Variants in PPFIA2 observed in about 807,000 individuals in gnomAD.
PPFIA2 encodes the protein liprin-alpha-2.
PPFIA2 carries 46 observed loss-of-function variants against 175.5 expected under a neutral mutation model. The observed-to-expected ratio is 0.26, with a 90% CI of 0.21 to 0.34. The LOEUF is 0.34. Ranked by LOEUF, PPFIA2 falls within the 10% of genes least tolerant of loss-of-function variation. The pLI, the probability that PPFIA2 is intolerant of heterozygous loss-of-function variation, is 1.00. For synonymous variants in PPFIA2, 568 were observed against 511.4 expected (o/e 1.11, Z -1.49); for missense variants, 1,179 against 1,506.1 (o/e 0.78, Z 3.60).
intron 21 of PPFIA2, among the ~76,000 whole-genome samples, chr12:81,331,170 C>A (rs1344433140): frequency 6.6e-6 from 1 of 152,174 alleles, no homozygotes; most frequent in South Asian, 2.1e-4. Context: ...ACAGTGTTCC[C>A]ATAAAACTAT....
chr12:81,389,245 T>G (rs2039649242), intron 8 of PPFIA2, among the ~76,000 whole-genome samples: 1 of 150,118 alleles, frequency 6.7e-6, no homozygotes, highest in Admixed American at 6.7e-5. Context: ...TGAACGATAT[T>G]TATTTTCTAA....
intron 4 of PPFIA2, among the ~76,000 whole-genome samples, chr12:81,615,286 A>C (rs1180074516): frequency 6.6e-6 from 1 of 152,188 alleles, no homozygotes; most frequent in Non-Finnish European, 1.5e-5. Flanking sequence ...GGAAAAATTC[A>C]AGTGCTCACT....
At chr12:81,603,931 T>C (rs2060040186) in intron 4 of PPFIA2, among the ~76,000 whole-genome samples, 1 of 150,954 alleles carries the variant, frequency 6.6e-6, no homozygotes, top group Non-Finnish European at 1.5e-5. Context: ...TATGCATTAA[T>C]CAAAGACTAA....
intron 3 of PPFIA2, among the ~76,000 whole-genome samples, chr12:81,725,854 G>T (rs2080009958): frequency 6.6e-6 from 1 of 150,864 alleles, no homozygotes; most frequent in Non-Finnish European, 1.5e-5. Context: ...ACCTTAAGAG[G>T]ACCTAGAGTG....
chr12:81,447,542 A>G (rs2051524091), intron 5 of PPFIA2, among the ~76,000 whole-genome samples: 1 of 152,068 alleles, frequency 6.6e-6, no homozygotes, highest in Non-Finnish European at 1.5e-5. Context: ...TTTGCTCACT[A>G]CTGTCTAAAG....
At chr12:81,751,101 A>C (rs1441789225) in intron 3 of PPFIA2, among the ~76,000 whole-genome samples, 1 of 152,172 alleles carries the variant, frequency 6.6e-6, no homozygotes, top group Non-Finnish European at 1.5e-5. Context: ...TTATAGCCCT[A>C]AAGATACAGA....
intron 4 of PPFIA2, among the ~76,000 whole-genome samples, chr12:81,632,945 C>T (rs952448960): frequency 6.6e-6 from 1 of 152,022 alleles, no homozygotes; most frequent in African/African-American, 2.4e-5. Flanking sequence ...GGCATTGGAG[C>T]CCATACTGCA....
Position 81,259,347 on chromosome 12 carries a change from C to A in PPFIA2, c.*347G>T, listed in dbSNP as rs776740118. The A allele has an allele frequency of 1.1e-5, 6 of 522,850 alleles. No individual in the cohort carries two copies. The highest frequency in any genetic ancestry group is 1.1e-4 in the South Asian group (6 of 56,808). 32.4% of individuals were successfully genotyped at this position (522,850 alleles called of 1,614,324 possible). A position where few individuals can be genotyped will look rare whatever the true frequency, so the allele number is the denominator to read the frequency against. ...AGACTTACACATTTAAAAAGAAATG[C>A]ACGGTAATACATAAATGCCTAGTAT... On this transcript the variant is annotated 3_prime_UTR_variant, in exon 33 of 33. Coordinates refer to ENST00000549396, the MANE Select transcript of PPFIA2 (RefSeq NM_003625.5).
intron 8 of PPFIA2, among the ~76,000 whole-genome samples, chr12:81,400,870 C>T (rs928927226): frequency 6.6e-6 from 1 of 152,114 alleles, no homozygotes; most frequent in Non-Finnish European, 1.5e-5. Context: ...GTTGTATGGT[C>T]ATTGAAGGAT....
chr12:81,709,959 T>C (rs1053908871), intron 3 of PPFIA2, among the ~76,000 whole-genome samples: 25 of 152,082 alleles, frequency 1.6e-4, no homozygotes, highest in African/African-American at 5.5e-4. Context: ...ATAAACATTA[T>C]ATAAATCTTG....
chr12:81,598,293 G>A, intron 4 of PPFIA2: 2 of 1,217,528 alleles, frequency 1.6e-6, no homozygotes, highest in Non-Finnish European at 2.1e-6. Flanking sequence ...TAAAAACACA[G>A]AAGGAAAAAA....
intron 8 of PPFIA2, among the ~76,000 whole-genome samples, chr12:81,394,305 A>G (rs2040695377): frequency 6.6e-6 from 1 of 152,042 alleles, no homozygotes; most frequent in African/African-American, 2.4e-5. Flanking sequence ...TATTTTAGAT[A>G]GTCAAAAAAG....
At chr12:81,357,412 G>A (rs2061014412) in intron 16 of PPFIA2, among the ~76,000 whole-genome samples, 2 of 152,100 alleles carry the variant, frequency 1.3e-5, no homozygotes, top group Non-Finnish European at 2.9e-5. Context: ...GTGGTTGAAA[G>A]AATAAACTAT....
chr12:81,394,678 G>C (rs760937682), intron 8 of PPFIA2, among the ~76,000 whole-genome samples: 1 of 151,730 alleles, frequency 6.6e-6, no homozygotes, highest in Non-Finnish European at 1.5e-5. Flanking sequence ...AGGGGAGGGA[G>C]AGCATTAGGA....
intron 15 of PPFIA2, among the ~76,000 whole-genome samples, chr12:81,361,227 G>C (rs879826932): frequency 1.3e-5 from 2 of 151,508 alleles, no homozygotes; most frequent in Non-Finnish European, 3.0e-5. Flanking sequence ...AAAAAACAAG[G>C]AAATGGCCAT....
intron 2 of PPFIA2, among the ~76,000 whole-genome samples, chr12:81,755,230 T>C (rs943473727): frequency 6.6e-6 from 1 of 152,194 alleles, no homozygotes; most frequent in Non-Finnish European, 1.5e-5. Flanking sequence ...AGGTGCATGA[T>C]TGAACAATTA....
intron 7 of PPFIA2, among the ~76,000 whole-genome samples, chr12:81,439,643 A>G (rs1040795923): frequency 1.3e-5 from 2 of 152,086 alleles, no homozygotes; most frequent in African/African-American, 4.8e-5. Flanking sequence ...TCTAAGTTTA[A>G]CAGTTATTTG....
intron 4 of PPFIA2, among the ~76,000 whole-genome samples, chr12:81,460,256 G>A (rs2054291948): frequency 6.6e-6 from 1 of 152,036 alleles, no homozygotes; most frequent in Admixed American, 6.6e-5. Flanking sequence ...TTTGAGATCT[G>A]ATGATTTTAT....
intron 3 of PPFIA2, among the ~76,000 whole-genome samples, chr12:81,734,325 T>A (rs1242923344): frequency 6.6e-6 from 1 of 151,822 alleles, no homozygotes; most frequent in African/African-American, 2.4e-5. Flanking sequence ...AGAGATTACA[T>A]TGCATTTGCA....
Sources: gnomAD v4.1 joint callset for allele counts (sites outside exome capture counted in the v4.1 genomes callset) on GRCh38, gnomAD v4.1.1 for gene constraint, MANE v1.5 for transcripts, NCBI Gene and HGNC (gene_info 2026-07-23, HGNC 2026-07-21) for gene names.